PRKDC: variants seen among roughly 807,000 people sequenced by gnomAD.
PRKDC encodes DNA-dependent protein kinase catalytic subunit.
Under a neutral mutation model 486.9 loss-of-function variants are expected in PRKDC, and 82 were observed. That is an observed-to-expected ratio of 0.17 (90% CI 0.14 to 0.20). The LOEUF (loss-of-function observed/expected upper bound fraction) is 0.20. Among genes scored for constraint, PRKDC ranks in the 10% least tolerant of loss-of-function variants. The pLI is 1.00. For missense variants in PRKDC, 4,504 were observed against 5,038.2 expected (o/e 0.89, Z 3.21); for synonymous variants, 1,895 against 1,837.0 (o/e 1.03, Z -0.81).
intron 7 of PRKDC, among the ~76,000 whole-genome samples, chr8:47,945,584 T>C (rs969699061): frequency 1.1e-4 from 17 of 152,236 alleles, no homozygotes; most frequent in Non-Finnish European, 2.4e-4. Context: ...CAGACTTTCC[T>C]GCCTTTTTAA....
intron 26 of PRKDC, among the ~76,000 whole-genome samples, chr8:47,903,436 G>A (rs1294772180): frequency 6.6e-6 from 1 of 152,232 alleles, no homozygotes; most frequent in African/African-American, 2.4e-5. Context: ...AATTAAGAGA[G>A]TTCTGCCTAA....
Position 47,855,367 on chromosome 8 carries a change from G to T in PRKDC, c.6616C>A (p.Pro2206Thr), listed in dbSNP as rs753666092. 1.3e-6 allele frequency: 2 copies of T among 1,593,064 alleles called. No homozygotes were observed. The highest frequency in any genetic ancestry group is 4.5e-5 in the East Asian group (2 of 44,376). ...WTGLATPTGV[P>T]KDEVLANRLL... ...CGATTTGCTAACACTTCATCTTTAG[G>T]GACCCCCTGAAAAGGTACAGAAATT... The change falls in exon 50 of 86, where the codon CCT (proline) becomes ACT (threonine). Residue 2206 changes from proline (P) to threonine (T), a missense_variant. Transcript: ENST00000314191.
chr8:47,854,954 A>AC (rs1474371670), intron 50 of PRKDC, among the ~76,000 whole-genome samples: 1 of 151,714 alleles, frequency 6.6e-6, no homozygotes, highest in African/African-American at 2.4e-5. Flanking sequence ...ACCTCCCACC[A>AC]CCCTCTACCC....
chr8:47,795,149 G>A (rs2086955715), intron 73 of PRKDC, among the ~76,000 whole-genome samples: 1 of 150,394 alleles, frequency 6.6e-6, no homozygotes, highest in Non-Finnish European at 1.5e-5. Context: ...GCCTCCCAAA[G>A]TGCTGGGACT....
chr8:47,946,157 C>A lies in PRKDC; in HGVS notation c.722-2128G>T, dbSNP rs568614357. On this transcript the variant is annotated intron_variant, in intron 7 of 85. Transcript: ENST00000314191. ...CCAGCCTGGCCAACACAGTGAAACC[C>A]CGTCTCTACTAAAAATAGGAAAAAT... 8.5e-5 allele frequency among the ~76,000 whole-genome samples: 13 copies of A among 152,172 alleles called. No homozygotes were observed. The South Asian group carries it at 2.7e-3, about 32-fold the overall frequency.
In PRKDC at chr8:47,957,393, A is replaced by C. The variant is rs577611227; in HGVS notation, c.193T>G (p.Leu65Val). The change falls in exon 2 of 86, where the codon TTG becomes GTG. Residue 65 changes from leucine to valine, a missense_variant. Physicochemically the swap from Leu to Val is conservative, Grantham distance 32. Coordinates refer to ENST00000314191, the MANE Select transcript of PRKDC (RefSeq NM_006904.7). ...TSLVFSRDFGLLVFVRKSLNS... is the reference protein window; with the variant it reads ...TSLVFSRDFGVLVFVRKSLNS... ...AGTGACTTCCGGACAAATACAAGCA[A>C]ACCGAAATCTCTGGAAAAAACTAAA... The C allele has an allele frequency of 1.3e-6, 2 of 1,596,100 alleles. No individual in the cohort carries two copies. The highest frequency in any genetic ancestry group is 2.3e-5 in the South Asian group (2 of 88,262).
intron 50 of PRKDC, among the ~76,000 whole-genome samples, chr8:47,854,631 G>A (rs1344142096): frequency 6.6e-6 from 1 of 152,192 alleles, no homozygotes; most frequent in African/African-American, 2.4e-5. Context: ...GAGCCACCGT[G>A]CCCGGCCAAA....
chr8:47,886,269 T>A (rs2089328965), intron 35 of PRKDC, 122 bp from the exon 36 acceptor site: 1 of 665,568 alleles, frequency 1.5e-6, no homozygotes, highest in African/African-American at 1.8e-5. Context: ...GAGCCTGATA[T>A]GTGAAGCCTG....
chr8:47,825,966 G>A (rs1181654099), intron 63 of PRKDC, among the ~76,000 whole-genome samples: 1 of 152,186 alleles, frequency 6.6e-6, no homozygotes, highest in African/African-American at 2.4e-5. Flanking sequence ...GCCTGGCACA[G>A]CACTTGTACA....
chr8:47,902,249 C>A (rs1400157550), intron 27 of PRKDC, among the ~76,000 whole-genome samples: 1 of 152,140 alleles, frequency 6.6e-6, no homozygotes, highest in Non-Finnish European at 1.5e-5. Context: ...CAATATAAAC[C>A]CTAGCAAGAG....
At chr8:47,806,452 C>A (rs376400908) in intron 69 of PRKDC, among the ~76,000 whole-genome samples, 1 of 152,182 alleles carries the variant, frequency 6.6e-6, no homozygotes, top group Non-Finnish European at 1.5e-5. Context: ...CTTGATATTA[C>A]ACTCATCCAA....
In PRKDC at chr8:47,839,209, T is replaced by C. The variant is rs771339423; in HGVS notation, c.7492A>G (p.Ile2498Val). Residue 2498 changes from isoleucine to valine, a missense_variant, in exon 56 of 86, where the codon ATA (isoleucine) becomes GTA (valine). Transcript: ENST00000314191. ...AGCACATCTTTTGCCAACTTAAATATTTCCTGGGAGTCATTATCTGTCTCA... is the reference window on the plus strand; with the variant it reads ...AGCACATCTTTTGCCAACTTAAATACTTCCTGGGAGTCATTATCTGTCTCA... ...ESETDNDSQE[I>V]FKLAKDVLIQ... 3.1e-5 allele frequency: 50 copies of C among 1,613,738 alleles called. No homozygotes were observed. The highest frequency in any genetic ancestry group is 5.3e-5 in the African/African-American group (4 of 74,932).
chr8:47,956,450 T>C (rs757701781), intron 3 of PRKDC, among the ~76,000 whole-genome samples: 3 of 151,370 alleles, frequency 2.0e-5, no homozygotes, highest in Non-Finnish European at 4.4e-5. Context: ...CTGTAAGCAA[T>C]TTGGGAGGCG....
At chr8:47,833,305 T>C (rs1022760161) in intron 59 of PRKDC, among the ~76,000 whole-genome samples, 1 of 152,126 alleles carries the variant, frequency 6.6e-6, no homozygotes, top group Non-Finnish European at 1.5e-5. Context: ...GAGCTTTGCT[T>C]CTAAGTTCTT....
chr8:47,889,490 A>G lies in PRKDC; in HGVS notation c.4072-268T>C, dbSNP rs763323965. On this transcript the variant is annotated intron_variant, in intron 32 of 85. Coordinates refer to ENST00000314191, the MANE Select transcript of PRKDC (RefSeq NM_006904.7). ...TCCTATTTAGCTTTATCTACGGAGCAGGCAGCAGGTGAGGTTGTGTCCATG... is the reference window on the plus strand; with the variant it reads ...TCCTATTTAGCTTTATCTACGGAGCGGGCAGCAGGTGAGGTTGTGTCCATG... 3.9e-5 allele frequency among the ~76,000 whole-genome samples: 6 copies of G among 152,256 alleles called. No homozygotes were observed. In the East Asian group the frequency reaches 1.2e-3, roughly 29 times the overall value.
In PRKDC at chr8:47,860,906, C is replaced by G; in HGVS notation, c.6051G>C (p.Gly2017=). The change falls in exon 45 of 86, where the codon GGG becomes GGC. Residue 2017 remains glycine (G), a synonymous_variant. Coordinates refer to ENST00000314191, the MANE Select transcript of PRKDC (RefSeq NM_006904.7). ...IRKEAREAAN[G]DSDGPSYMSS... ...ATTTTGAAAACATCCTACCTGAATC[C>G]CCATTTGCTGCTTCTCTGGCTTCTT... 3 of 1,606,838 alleles carry G rather than the reference C, an allele frequency of 1.9e-6. No individual in the cohort carries two copies. The highest frequency in any genetic ancestry group is 2.6e-6 in the Non-Finnish European group (3 of 1,176,438).
At chr8:47,894,513 G>C (rs987199232) in intron 30 of PRKDC, among the ~76,000 whole-genome samples, 12 of 152,216 alleles carry the variant, frequency 7.9e-5, no homozygotes, top group Admixed American at 7.8e-4. Context: ...AGAAGCTGAA[G>C]ACGCAGACAA....
intron 36 of PRKDC, among the ~76,000 whole-genome samples, chr8:47,884,739 A>G (rs967529344): frequency 5.3e-5 from 8 of 152,158 alleles, no homozygotes; most frequent in African/African-American, 1.7e-4. Context: ...GACATCATGT[A>G]CTCTCCCTTA....
At position 47,773,751 on chromosome 8, in the gene PRKDC, A is replaced by G; in HGVS notation, c.*422T>C. The G allele has an allele frequency of 4.3e-6, 1 of 235,284 alleles. No homozygotes were observed. The highest frequency in any genetic ancestry group is 8.4e-6 in the Non-Finnish European group (1 of 119,460). 14.6% of individuals were successfully genotyped at this position (235,284 alleles called of 1,614,324 possible). On this transcript the variant is annotated 3_prime_UTR_variant, in exon 86 of 86. Coordinates refer to ENST00000314191, the MANE Select transcript of PRKDC (RefSeq NM_006904.7). ...AACTATACTTAGCTTTACTCTCCCA[A>G]AATCTTGGTGATGAAGCCTTCTGAG...
Sources: gnomAD v4.1 joint callset for allele counts (sites outside exome capture counted in the v4.1 genomes callset) on GRCh38, gnomAD v4.1.1 for gene constraint, MANE v1.5 for transcripts, NCBI Gene and HGNC (gene_info 2026-07-23, HGNC 2026-07-21) for gene names.